The following NCALD variants were observed in gnomAD, a reference collection of about 807,000 sequenced individuals.
The protein encoded by NCALD is neurocalcin-delta.
A neutral mutation model predicts 18.6 loss-of-function variants in NCALD; 10 were observed. That is an observed-to-expected ratio of 0.54 (90% CI 0.33 to 0.91). The LOEUF (loss-of-function observed/expected upper bound fraction) is 0.91. Ranked by LOEUF, NCALD falls within the 40% of genes least tolerant of loss-of-function variation. The pLI, the probability that NCALD is intolerant of heterozygous loss-of-function variation, is 0.03. For synonymous variants in NCALD, 88 were observed against 87.4 expected (o/e 1.01, Z -0.04); for missense variants, 184 against 247.6 (o/e 0.74, Z 1.72).
intron 1 of NCALD, among the ~76,000 whole-genome samples, chr8:102,074,225 C>T (rs1054395464): frequency 1.3e-5 from 2 of 152,184 alleles, no homozygotes; most frequent in African/African-American, 4.8e-5. Flanking sequence ...ACCCAATCAT[C>T]AGATGTGGTA....
At chr8:101,837,333 AATAACAT>A (rs1180649030) in intron 4 of NCALD, among the ~76,000 whole-genome samples, 3 of 152,234 alleles carry the variant, frequency 2.0e-5, no homozygotes, top group East Asian at 3.8e-4. Flanking sequence ...GTTTTCTACA[AATAACAT>A]ATATCAAATA....
intron 2 of NCALD, among the ~76,000 whole-genome samples, chr8:101,978,153 C>T (rs1030113532): frequency 6.6e-6 from 1 of 151,618 alleles, no homozygotes; most frequent in African/African-American, 2.4e-5. Flanking sequence ...TCACACTACG[C>T]AGGCTGATTT....
intron 3 of NCALD, among the ~76,000 whole-genome samples, chr8:101,909,063 C>A (rs1386394335): frequency 6.6e-6 from 1 of 152,114 alleles, no homozygotes; most frequent in Admixed American, 6.5e-5. Context: ...GGAAAGTGAT[C>A]TTTTTCAAGG....
At chr8:101,861,105 T>A (rs486196) in intron 4 of NCALD, among the ~76,000 whole-genome samples, 2 of 151,992 alleles carry the variant, frequency 1.3e-5, no homozygotes, top group African/African-American at 4.8e-5. Context: ...CCTGCCTACA[T>A]ATTGATTTCA....
intron 2 of NCALD, among the ~76,000 whole-genome samples, chr8:101,935,243 G>T (rs1392904984): frequency 6.6e-6 from 1 of 152,036 alleles, no homozygotes; most frequent in African/African-American, 2.4e-5. Context: ...GGAGACAGGG[G>T]AATAGGTACT....
intron 1 of NCALD, among the ~76,000 whole-genome samples, chr8:102,121,692 A>T (rs916138640): frequency 6.6e-6 from 1 of 152,192 alleles, no homozygotes; most frequent in African/African-American, 2.4e-5. Flanking sequence ...AAGTAAGGAA[A>T]GAGAAGGGTT....
chr8:101,713,314 G>A (rs1467698936), intron 2 of NCALD, among the ~76,000 whole-genome samples: 8 of 152,106 alleles, frequency 5.3e-5, no homozygotes, highest in African/African-American at 1.9e-4. Context: ...AATGCCCACA[G>A]TAGAAAGCAG....
chr8:101,742,945 T>C (rs1470028274), intron 1 of NCALD, among the ~76,000 whole-genome samples: 2 of 152,184 alleles, frequency 1.3e-5, no homozygotes, highest in Non-Finnish European at 2.9e-5. Context: ...ATTCCTGTGT[T>C]AGTTTGCTGA....
intron 1 of NCALD, among the ~76,000 whole-genome samples, chr8:102,051,713 G>A (rs950010365): frequency 3.3e-5 from 5 of 152,268 alleles, no homozygotes; most frequent in African/African-American, 7.2e-5. Context: ...ACGGTACTCC[G>A]AAGGGCAATA....
intron 2 of NCALD, among the ~76,000 whole-genome samples, chr8:101,695,310 A>C (rs1814939666): frequency 6.6e-6 from 1 of 152,146 alleles, no homozygotes; most frequent in Non-Finnish European, 1.5e-5. Flanking sequence ...GTATTTATTC[A>C]TTATCAATCT....
chr8:101,702,615 A>G (rs1302518977), intron 2 of NCALD, among the ~76,000 whole-genome samples: 1 of 152,212 alleles, frequency 6.6e-6, no homozygotes, highest in African/African-American at 2.4e-5. Flanking sequence ...ACTATTTAGA[A>G]TAACCCAGCA....
chr8:102,080,384 C>T (rs1277792063), intron 1 of NCALD, among the ~76,000 whole-genome samples: 5 of 152,192 alleles, frequency 3.3e-5, no homozygotes, highest in Admixed American at 2.6e-4. Flanking sequence ...CCACGGCACA[C>T]CACATTTTTT....
chr8:101,837,515 A>G (rs1161485850), intron 4 of NCALD, among the ~76,000 whole-genome samples: 1 of 152,214 alleles, frequency 6.6e-6, no homozygotes, highest in African/African-American at 2.4e-5. Context: ...TCCAACTTCC[A>G]GCAGCAGTAA....
intron 1 of NCALD, among the ~76,000 whole-genome samples, chr8:101,726,688 G>A (rs557224683): frequency 6.6e-6 from 1 of 152,262 alleles, no homozygotes; most frequent in South Asian, 2.1e-4. Context: ...ATGTCAAGCA[G>A]GCAGTTGAAT....
chr8:101,719,056 C>T (rs774247259), intron 2 of NCALD, among the ~76,000 whole-genome samples, 196 bp downstream of exon 2: 120 of 152,224 alleles, frequency 7.9e-4, no homozygotes, highest in Non-Finnish European at 8.8e-4. Flanking sequence ...CAAGAGATGC[C>T]GACCAGTGTG....
chr8:101,875,140 C>T (rs542633959), intron 4 of NCALD, among the ~76,000 whole-genome samples: 2 of 152,328 alleles, frequency 1.3e-5, no homozygotes, highest in East Asian at 3.9e-4. Flanking sequence ...TTTACCACAA[C>T]ACTATAACAC....
Position 101,692,910 on chromosome 8 carries a change from C to T in NCALD, c.379-14G>A, listed in dbSNP as rs370643307. ...CTTATAGATTGCCTGGGGACAGAAG[C>T]GACATGGTGGTAAGACAGAAAAACA... is the stretch of plus-strand genomic sequence containing the variant. On this transcript the variant is annotated splice_polypyrimidine_tract_variant and intron_variant, in intron 2 of 3. Coordinates refer to ENST00000220931, the MANE Select transcript of NCALD (RefSeq NM_032041.3). 31 of 1,583,840 alleles carry T rather than the reference C, an allele frequency of 2.0e-5. No individual in the cohort carries two copies. Among genetic ancestry groups the T allele is most frequent in the Non-Finnish European group, 2.4e-5 (28 of 1,152,772 alleles).
intron 1 of NCALD, among the ~76,000 whole-genome samples, chr8:102,090,995 C>A (rs1288595183): frequency 6.6e-6 from 1 of 152,132 alleles, no homozygotes; most frequent in Non-Finnish European, 1.5e-5. Context: ...GGGTTCCTGA[C>A]CTGTGGTAAG....
At chr8:101,704,619 A>G (rs1235267233) in intron 2 of NCALD, among the ~76,000 whole-genome samples, 1 of 152,170 alleles carries the variant, frequency 6.6e-6, no homozygotes, top group Non-Finnish European at 1.5e-5. Flanking sequence ...TTTAGACATC[A>G]TTTAAAGTGA....
Sources: gnomAD v4.1 joint callset for allele counts (sites outside exome capture counted in the v4.1 genomes callset) on GRCh38, gnomAD v4.1.1 for gene constraint, MANE v1.5 for transcripts, NCBI Gene and HGNC (gene_info 2026-07-23, HGNC 2026-07-21) for gene names.